The following AK8 variants were observed in gnomAD, a reference collection of about 807,000 sequenced individuals.
AK8 encodes ATP-AMP transphosphorylase 8.
In AK8, 44 loss-of-function variants were observed where a neutral mutation model predicts 54.6. That is an observed-to-expected ratio of 0.81 (90% CI 0.63 to 1.04). The LOEUF is 1.04. AK8 is among the 50% of genes least tolerant of loss of function. The pLI is 0.00. For missense variants in AK8, 555 were observed against 613.6 expected, an observed-to-expected ratio of 0.90 and a Z score of 1.01; for synonymous variants, 239 against 245.6, an observed-to-expected ratio of 0.97 and a Z score of 0.25.
At chr9:132,727,883 T>A (rs576248440) in intron 11 of AK8, among the ~76,000 whole-genome samples, 1 of 152,138 alleles carries the variant, frequency 6.6e-6, no homozygotes, top group Non-Finnish European at 1.5e-5. Flanking sequence ...CTGTGACTTG[T>A]CTGCATTCTG....
intron 11 of AK8, among the ~76,000 whole-genome samples, chr9:132,751,378 C>CAA (rs1208975942): frequency 5.0e-4 from 25 of 50,126 alleles, no homozygotes; most frequent in East Asian, 6.2e-4. Context: ...AGTGAGACTC[C>CAA]AAAAAAAAAA....
At chr9:132,757,057 C>T (rs1838219407) in intron 11 of AK8, among the ~76,000 whole-genome samples, 1 of 152,366 alleles carries the variant, frequency 6.6e-6, no homozygotes, top group Admixed American at 6.5e-5. Flanking sequence ...GGAATCATCG[C>T]ATTCCAGTTT....
chr9:132,767,412 A>T, intron 11 of AK8, among the ~76,000 whole-genome samples: 1 of 152,338 alleles, frequency 6.6e-6, no homozygotes, highest in South Asian at 2.1e-4. Flanking sequence ...ATTAGATATC[A>T]TCTCACCCCA....
At chr9:132,806,099 GGCGTGT>G (rs1840711161) in intron 10 of AK8, among the ~76,000 whole-genome samples, 1 of 71,856 alleles carries the variant, frequency 1.4e-5, no homozygotes, top group African/African-American at 4.8e-5. Flanking sequence ...CTTACTGCTT[GGCGTGT>G]GTGTGTGTGT....
chr9:132,775,363 C>T (rs577439780), intron 11 of AK8, among the ~76,000 whole-genome samples: 17 of 152,162 alleles, frequency 1.1e-4, no homozygotes, highest in African/African-American at 2.4e-4. Flanking sequence ...AGTGCAGTGG[C>T]GCAACCTTGG....
Position 132,808,916 on chromosome 9 carries a change from C to T in AK8, c.979+5722G>A, listed in dbSNP as rs1346707329. ...CAATGAGGGGGTACCCAGGAAGACT[C>T]TATAGTGCCTGGCTTGGGGAGTGGT... On this transcript the variant is annotated intron_variant, in intron 10 of 12. Transcript: ENST00000298545. Among the ~76,000 whole-genome samples, 4 of 152,154 alleles carry T rather than the reference C, an allele frequency of 2.6e-5. No homozygotes were observed. The East Asian group carries it at 7.7e-4, about 29-fold the overall frequency.
chr9:132,828,979 G>A lies in AK8; in HGVS notation c.403-253C>T, dbSNP rs551267631. On this transcript the variant is annotated intron_variant, in intron 5 of 12. Transcript: ENST00000298545. ...CTTGATTTTTTTTTTTTTTTGAGAT[G>A]GAGTTTCACTCTCGTTGCCCAATCT... 1.5e-3 allele frequency among the ~76,000 whole-genome samples: 215 copies of A among 144,574 alleles called. 1 individual carries two copies. The highest frequency in any genetic ancestry group is 2.4e-3 in the Non-Finnish European group (160 of 66,598). 94.8% of individuals were successfully genotyped at this position (144,574 alleles called of 152,430 possible).
chr9:132,727,992 G>A (rs1836654879), intron 11 of AK8, among the ~76,000 whole-genome samples: 1 of 152,164 alleles, frequency 6.6e-6, no homozygotes, highest in African/African-American at 2.4e-5. Context: ...TGGGAGCTGT[G>A]AGTAACAAAC....
At position 132,875,021 on chromosome 9, in the gene AK8, A is replaced by T. The variant is rs532127417; in HGVS notation, c.169+94T>A. The T allele has an allele frequency of 1.8e-5, 27 of 1,491,284 alleles. No homozygotes were observed. In the South Asian group the frequency reaches 3.2e-4, roughly 17 times the overall value. 92.4% of individuals were successfully genotyped at this position (1,491,284 alleles called of 1,614,324 possible). A position where few individuals can be genotyped will look rare whatever the true frequency, so the allele number is the denominator to read the frequency against. The stretch of plus-strand genomic sequence containing the variant: ...GGATGGGGCAGGGTTCCTGGAGAGG[A>T]AGAGGAGGAGGAGGCAGAGGAGTCA... On this transcript the variant is annotated intron_variant, in intron 2 of 12. Transcript: ENST00000298545.
intron 10 of AK8, among the ~76,000 whole-genome samples, chr9:132,812,111 C>T (rs1281218774): frequency 6.6e-6 from 1 of 151,864 alleles, no homozygotes; most frequent in Admixed American, 6.6e-5. Flanking sequence ...ATCACATTCA[C>T]TCATTTTTAG....
intron 11 of AK8, among the ~76,000 whole-genome samples, chr9:132,746,184 G>A (rs1837642676): frequency 2.1e-5 from 1 of 48,366 alleles, no homozygotes; most frequent in African/African-American, 7.2e-5. Flanking sequence ...TCGCTTCCAA[G>A]CCAGTCTGGC....
intron 2 of AK8, among the ~76,000 whole-genome samples, chr9:132,870,967 C>T (rs1348369111): frequency 1.3e-5 from 2 of 152,192 alleles, no homozygotes; most frequent in Non-Finnish European, 2.9e-5. Flanking sequence ...CCTAGGCGGC[C>T]GGGTATGGTG....
chr9:132,728,329 T>A (rs1426894936), intron 11 of AK8, among the ~76,000 whole-genome samples: 3 of 152,144 alleles, frequency 2.0e-5, no homozygotes, highest in African/African-American at 2.4e-5. Context: ...CTCCCGGGGA[T>A]GGGGGTCATT....
chr9:132,738,275 G>A (rs1015091995), intron 11 of AK8, among the ~76,000 whole-genome samples: 7 of 151,896 alleles, frequency 4.6e-5, no homozygotes, highest in African/African-American at 7.3e-5. Context: ...GGATGATCTC[G>A]ATTTCCTGAC....
At chr9:132,856,242 C>T (rs1222203416) in intron 4 of AK8, among the ~76,000 whole-genome samples, 1 of 152,210 alleles carries the variant, frequency 6.6e-6, no homozygotes, top group Non-Finnish European at 1.5e-5. Flanking sequence ...CGGGGGCCTC[C>T]TGGCACAGCC....
chr9:132,851,544 C>T (rs1842972382), intron 5 of AK8, among the ~76,000 whole-genome samples: 1 of 152,244 alleles, frequency 6.6e-6, no homozygotes, highest in Non-Finnish European at 1.5e-5. Flanking sequence ...AGATCAAAGG[C>T]TCACCCCCAA....
chr9:132,847,153 G>A (rs1842784046), intron 5 of AK8, among the ~76,000 whole-genome samples: 1 of 152,236 alleles, frequency 6.6e-6, no homozygotes, highest in African/African-American at 2.4e-5. Flanking sequence ...AGCGGGCCGG[G>A]GGAAGAGCGG....
chr9:132,845,836 A>C (rs1324744209), intron 5 of AK8, among the ~76,000 whole-genome samples: 1 of 151,950 alleles, frequency 6.6e-6, no homozygotes, highest in Non-Finnish European at 1.5e-5. Context: ...TGGGATATCC[A>C]GCTGCAAACA....
rs756005237 is a variant in AK8, at chr9:132,725,744, CTG to C, written c.1382_1383del (p.Thr461SerfsTer11). The C allele has an allele frequency of 4.4e-6, 7 of 1,593,082 alleles. No homozygotes were observed. Among genetic ancestry groups the C allele is most frequent in the Non-Finnish European group, 8.5e-7 (1 of 1,169,830 alleles). On this transcript the variant is annotated frameshift_variant, in exon 13 of 13. Coordinates refer to ENST00000298545, the MANE Select transcript of AK8 (RefSeq NM_152572.3). LOFTEE classifies it high-confidence loss of function. Reference protein sequence around the residue: ...ITLNGDQDPYTVFEYIESGII... With the variant: ...ITLNGDQDPYXVFEYIESGII... ...ATCCCACTCTCGATGTATTCGAAGA[CTG>C]TGTATGGGTCCTGGTCCCCATTGAG...
Sources: gnomAD v4.1 joint callset for allele counts (sites outside exome capture counted in the v4.1 genomes callset) on GRCh38, gnomAD v4.1.1 for gene constraint, MANE v1.5 for transcripts, NCBI Gene and HGNC (gene_info 2026-07-23, HGNC 2026-07-21) for gene names.